Variants in EIF3B observed in about 807,000 individuals in gnomAD.
EIF3B encodes eukaryotic translation initiation factor 3 subunit 9.
EIF3B carries 10 observed loss-of-function variants against 104.6 expected under a neutral mutation model. The observed-to-expected ratio is 0.10, with a 90% CI of 0.06 to 0.16. The LOEUF (loss-of-function observed/expected upper bound fraction) is 0.16. Among genes scored for constraint, EIF3B ranks in the 10% least tolerant of loss-of-function variants. The pLI, the probability that EIF3B is intolerant of heterozygous loss-of-function variation, is 1.00. For synonymous variants in EIF3B, 542 were observed against 417.2 expected, an observed-to-expected ratio of 1.30 and a Z score of -3.65; for missense variants, 1,014 against 1,087.9, an observed-to-expected ratio of 0.93 and a Z score of 0.96.
At position 2,380,461 on chromosome 7, in the gene EIF3B, T is replaced by C. The variant is rs1387705649; in HGVS notation, c.*272T>C. On this transcript the variant is annotated 3_prime_UTR_variant, in exon 19 of 19. Transcript: ENST00000360876. ...GATTTAAGGCACCCGCTTCCACTTCTTTCTTGTTTGGAGTTTTCTGTTGGA... is the reference window on the plus strand; with the variant it reads ...GATTTAAGGCACCCGCTTCCACTTCCTTCTTGTTTGGAGTTTTCTGTTGGA... 2 of 508,364 alleles carry C rather than the reference T, an allele frequency of 3.9e-6. No individual in the cohort carries two copies. The highest frequency in any genetic ancestry group is 3.9e-5 in the African/African-American group (2 of 51,424). The allele number at this position is 508,364 out of a possible 1,614,324, so 31.5% of individuals were successfully genotyped here.
chr7:2,374,902 C>A, intron 13 of EIF3B: 1 of 349,810 alleles, frequency 2.9e-6, no homozygotes. Flanking sequence ...TCCAGCCATC[C>A]AGTAACCTCC....
chr7:2,363,736 C>A lies in EIF3B; in HGVS notation c.975C>A (p.Asp325Glu), dbSNP rs140490524. ...RTSIFWNDVKDPVSIEERARW... is the reference protein window; with the variant it reads ...RTSIFWNDVKEPVSIEERARW... ...CCATATTCTGGAATGACGTAAAAGA[C>A]CCTGTCTCAATTGAAGAAAGAGCGG... The change falls in exon 5 of 19, where the codon GAC becomes GAA. Residue 325 changes from aspartate to glutamate, a missense_variant. Transcript: ENST00000360876. 89 of 1,613,920 alleles carry A rather than the reference C, an allele frequency of 5.5e-5. No individual in the cohort carries two copies. In the African/African-American group the frequency reaches 1.1e-3, roughly 21 times the overall value.
intron 9 of EIF3B, among the ~76,000 whole-genome samples, chr7:2,367,327 C>A (rs113523012): frequency 3.9e-5 from 6 of 152,168 alleles, no homozygotes; most frequent in African/African-American, 1.4e-4. Context: ...CAAGGGCTTC[C>A]CCCTCAGGAC....
At chr7:2,377,602 A>C (rs1780716932) in intron 15 of EIF3B, among the ~76,000 whole-genome samples, 1 of 111,444 alleles carries the variant, frequency 9.0e-6, no homozygotes, top group Non-Finnish European at 1.7e-5. Flanking sequence ...TCATGGAGGA[A>C]GGAGCAGGCG....
At chr7:2,369,371 T>C (rs753913331) in intron 9 of EIF3B, 101 bp from the exon 10 acceptor site, 22 of 1,262,262 alleles carry the variant, frequency 1.7e-5, no homozygotes, top group Admixed American at 9.1e-5. Context: ...TGTGACAGCA[T>C]TGAGCTTCTA....
At position 2,366,387 on chromosome 7, in the gene EIF3B, C is replaced by G; in HGVS notation, c.1228C>G (p.Leu410Val). The G allele has an allele frequency of 6.2e-7, 1 of 1,614,006 alleles. No homozygotes were observed. The highest frequency in any genetic ancestry group is 8.5e-7 in the Non-Finnish European group (1 of 1,179,988). ...TCAGGCCATAATCATCTGGGACATC[C>G]TTACGGGGCACAAGAAGAGGGGTTT... ...DPQAIIIWDI[L>V]TGHKKRGFHC... is the part of the protein sequence containing the mutation. The change falls in exon 7 of 19, where the codon CTT becomes GTT. Residue 410 changes from leucine (L) to valine (V), a missense_variant. Coordinates refer to ENST00000360876, the MANE Select transcript of EIF3B (RefSeq NM_001037283.2).
In EIF3B at chr7:2,380,516, G is replaced by A. The variant is rs1173352041; in HGVS notation, c.*327G>A. On this transcript the variant is annotated 3_prime_UTR_variant, in exon 19 of 19. Coordinates refer to ENST00000360876, the MANE Select transcript of EIF3B (RefSeq NM_001037283.2). ...CCGGCGTTGGCTCCGAAGACTTAGC[G>A]ACGCCACTGGCGGCACCTTCTCCTG... The A allele has an allele frequency of 2.2e-6, 1 of 444,926 alleles. No individual in the cohort carries two copies. The highest frequency in any genetic ancestry group is 4.5e-6 in the Non-Finnish European group (1 of 222,730). The allele number at this position is 444,926 out of a possible 1,614,324, so 27.6% of individuals were successfully genotyped here.
At chr7:2,363,891 A>G (rs1481730378) in intron 5 of EIF3B, 131 bp downstream of exon 5, 12 of 1,076,030 alleles carry the variant, frequency 1.1e-5, no homozygotes, top group Non-Finnish European at 1.6e-5. Flanking sequence ...ACTTTCTGAA[A>G]ACAACTTCTT....
At chr7:2,371,925 C>A in intron 11 of EIF3B, 76 bp downstream of exon 11, 1 of 1,185,618 alleles carries the variant, frequency 8.4e-7, no homozygotes, top group Non-Finnish European at 1.3e-6. Flanking sequence ...CACTTCCATG[C>A]GAGGGGTTGT....
At chr7:2,365,680 GTT>G (rs368207304) in intron 6 of EIF3B, among the ~76,000 whole-genome samples, 1 of 98,128 alleles carries the variant, frequency 1.0e-5, no homozygotes, top group Admixed American at 9.5e-5. Context: ...TGTTTGTTTT[GTT>G]TTTTTTTTTT....
chr7:2,379,669 A>T, intron 18 of EIF3B, 158 bp downstream of exon 18: 2 of 618,144 alleles, frequency 3.2e-6, no homozygotes, highest in Non-Finnish European at 5.7e-6. Flanking sequence ...TGAAATGTAG[A>T]GTCGGTGCCG....
intron 1 of EIF3B, 59 bp downstream of exon 1, chr7:2,355,479 G>C: frequency 7.2e-7 from 1 of 1,397,728 alleles, no homozygotes; most frequent in Non-Finnish European, 9.3e-7. Context: ...GGGTTCCCGA[G>C]GTGGGAGATA....
At chr7:2,366,621 C>A in intron 8 of EIF3B, 30 bp downstream of exon 8, 1 of 1,612,586 alleles carries the variant, frequency 6.2e-7, no homozygotes, top group Non-Finnish European at 8.5e-7. Flanking sequence ...GCAAACGCCC[C>A]GTCCGGTCCT....
At chr7:2,375,099 C>A in intron 13 of EIF3B, 1 of 460,144 alleles carries the variant, frequency 2.2e-6, no homozygotes, top group South Asian at 2.9e-5. Context: ...TGCTGCTCTC[C>A]CTTGCTTCAT....
chr7:2,355,953 A>AT (rs1554272281), intron 1 of EIF3B, among the ~76,000 whole-genome samples: 2 of 151,890 alleles, frequency 1.3e-5, no homozygotes, highest in Non-Finnish European at 2.9e-5. Context: ...TTCCAGTTTG[A>AT]TTTTTCTTTA....
chr7:2,364,148 G>A lies in EIF3B; in HGVS notation c.1000-224G>A, dbSNP rs563146184. 1.6e-4 allele frequency among the ~76,000 whole-genome samples: 24 copies of A among 152,270 alleles called. No homozygotes were observed. The South Asian group carries it at 4.4e-3, about 28-fold the overall frequency. On this transcript the variant is annotated intron_variant, in intron 5 of 18. Coordinates refer to ENST00000360876, the MANE Select transcript of EIF3B (RefSeq NM_001037283.2). The stretch of plus-strand genomic sequence containing the variant: ...ATGGTGGCAGGCACCTGTAGTCCCC[G>A]CTACTCGGGAGGCTGAGGCAGGAGA...
chr7:2,361,050 T>C, intron 2 of EIF3B, 148 bp downstream of exon 2: 3 of 580,398 alleles, frequency 5.2e-6, no homozygotes, highest in South Asian at 2.6e-5. Context: ...CTGGAAGCTA[T>C]CCAGAGCAGT....
intron 10 of EIF3B, among the ~76,000 whole-genome samples, chr7:2,369,964 A>G (rs1257632768): frequency 1.3e-5 from 2 of 151,592 alleles, no homozygotes; most frequent in Admixed American, 6.6e-5. Context: ...TTTATTAGAG[A>G]CAGGGTTTCA....
At chr7:2,364,775 T>C (rs1373980011) in intron 6 of EIF3B, among the ~76,000 whole-genome samples, 1 of 152,240 alleles carries the variant, frequency 6.6e-6, no homozygotes, top group African/African-American at 2.4e-5. Context: ...TAGCCCTGAA[T>C]GTGTATTCCT....
Sources: allele counts gnomAD v4.1 joint callset (sites outside exome capture counted in the v4.1 genomes callset), GRCh38; gene constraint gnomAD v4.1.1; transcripts MANE v1.5; gene names NCBI Gene and HGNC (gene_info 2026-07-23, HGNC 2026-07-21).